Variants in SORCS3 observed in about 807,000 individuals in gnomAD.
The protein encoded by SORCS3 is sortilin related VPS10 domain containing receptor 3.
A neutral mutation model predicts 146.3 loss-of-function variants in SORCS3; 57 were observed. That is an observed-to-expected ratio of 0.39 (90% CI 0.31 to 0.49). The LOEUF is 0.49. Among genes scored for constraint, SORCS3 ranks in the 20% least tolerant of loss-of-function variants. SORCS3 has a pLI of 0.92. For missense variants in SORCS3, 1,341 were observed against 1,575.5 expected (o/e 0.85, Z 2.52); for synonymous variants, 653 against 618.5 (o/e 1.06, Z -0.83).
intron 1 of SORCS3, among the ~76,000 whole-genome samples, chr10:104,664,356 G>A (rs1427740542): frequency 1.3e-5 from 2 of 152,188 alleles, no homozygotes; most frequent in Non-Finnish European, 1.5e-5. Flanking sequence ...CATCCTTGAC[G>A]TGTAACACAT....
intron 1 of SORCS3, among the ~76,000 whole-genome samples, chr10:104,772,168 A>C (rs1261626318): frequency 1.4e-5 from 2 of 139,066 alleles, no homozygotes; most frequent in Non-Finnish European, 3.1e-5. Flanking sequence ...ATCCTCTGTC[A>C]TTGTTTCTTA....
intron 2 of SORCS3, among the ~76,000 whole-genome samples, chr10:104,891,720 G>T (rs957140812): frequency 2.6e-5 from 4 of 152,116 alleles, no homozygotes; most frequent in Non-Finnish European, 4.4e-5. Context: ...AGAATCAGAA[G>T]TACCTATGCT....
chr10:104,959,081 G>T (rs913567321), intron 3 of SORCS3, among the ~76,000 whole-genome samples: 3 of 152,098 alleles, frequency 2.0e-5, no homozygotes, highest in African/African-American at 7.2e-5. Flanking sequence ...AAACAGCCCT[G>T]CAGACACCTG....
At chr10:105,021,516 C>G (rs1857261) in intron 4 of SORCS3, among the ~76,000 whole-genome samples, 80,626 of 152,036 alleles carry the variant, frequency 0.53, 23,808 homozygotes, top group African/African-American at 0.81. Flanking sequence ...TTTCTTTGCT[C>G]TTTTAGAATT....
At chr10:105,000,699 G>A (rs1287784463) in intron 4 of SORCS3, among the ~76,000 whole-genome samples, 1 of 152,036 alleles carries the variant, frequency 6.6e-6, no homozygotes, top group Non-Finnish European at 1.5e-5. Flanking sequence ...CTAATCCAAG[G>A]CACTGATCAG....
At chr10:104,830,674 C>G (rs1185850444) in intron 1 of SORCS3, among the ~76,000 whole-genome samples, 2 of 152,154 alleles carry the variant, frequency 1.3e-5, no homozygotes, top group East Asian at 3.9e-4. Context: ...TTTGCAGAGC[C>G]CTGGTTACCT....
chr10:104,995,309 G>A (rs974146418), intron 4 of SORCS3, among the ~76,000 whole-genome samples: 5 of 151,786 alleles, frequency 3.3e-5, no homozygotes, highest in Middle Eastern at 3.4e-3. Context: ...ACAGGTGCAC[G>A]CCACCATGAC....
At chr10:104,778,486 C>T (rs1360895151) in intron 1 of SORCS3, among the ~76,000 whole-genome samples, 1 of 152,170 alleles carries the variant, frequency 6.6e-6, no homozygotes, top group Non-Finnish European at 1.5e-5. Context: ...TTCTTCCAGC[C>T]TGCATTGTCT....
intron 25 of SORCS3, among the ~76,000 whole-genome samples, chr10:105,259,995 A>G (rs1008421811): frequency 2.0e-5 from 3 of 152,176 alleles, no homozygotes; most frequent in African/African-American, 4.8e-5. Flanking sequence ...TATATTCTCA[A>G]CAGTCCTACA....
intron 2 of SORCS3, among the ~76,000 whole-genome samples, chr10:104,899,357 G>A (rs1033257770): frequency 3.9e-5 from 6 of 152,216 alleles, no homozygotes; most frequent in Non-Finnish European, 8.8e-5. Flanking sequence ...TTCTAGATGT[G>A]TTAGAATAAC....
At chr10:104,769,671 G>A (rs971716958) in intron 1 of SORCS3, among the ~76,000 whole-genome samples, 1 of 152,148 alleles carries the variant, frequency 6.6e-6, no homozygotes, top group Non-Finnish European at 1.5e-5. Flanking sequence ...GGAAGTCTGA[G>A]ACATCTGCTT....
intron 1 of SORCS3, among the ~76,000 whole-genome samples, chr10:104,725,994 G>C (rs867417314): frequency 2.0e-4 from 30 of 152,192 alleles, no homozygotes; most frequent in African/African-American, 6.0e-4. Flanking sequence ...TGTACCCACT[G>C]TCCGACACTC....
chr10:104,719,361 G>C lies in SORCS3; in HGVS notation c.627+77407G>C, dbSNP rs553269508. Among the ~76,000 whole-genome samples the C allele has an allele frequency of 2.6e-5, 4 of 152,276 alleles. No homozygotes were observed. In the South Asian group the frequency reaches 8.3e-4, roughly 32 times the overall value. ...GTGCTGCATGTGGCTTTGGTTAATG[G>C]TTGCAGGGGTATAGGTTTGTCAATG... On this transcript the variant is annotated intron_variant, in intron 1 of 26. Coordinates refer to ENST00000369701, the MANE Select transcript of SORCS3 (RefSeq NM_014978.3).
chr10:104,776,891 C>T (rs534326508), intron 1 of SORCS3, among the ~76,000 whole-genome samples: 9 of 147,356 alleles, frequency 6.1e-5, no homozygotes, highest in Admixed American at 4.7e-4. Flanking sequence ...AAAAAAAAAA[C>T]CTCACAAAGC....
At chr10:104,740,167 A>G (rs918899888) in intron 1 of SORCS3, among the ~76,000 whole-genome samples, 4 of 152,246 alleles carry the variant, frequency 2.6e-5, no homozygotes, top group Non-Finnish European at 4.4e-5. Context: ...TTTTTATTAC[A>G]TAAAACTGAA....
chr10:104,934,656 T>C (rs1352442296), intron 3 of SORCS3, among the ~76,000 whole-genome samples: 1 of 152,220 alleles, frequency 6.6e-6, no homozygotes, highest in Non-Finnish European at 1.5e-5. Context: ...TGTTTACTGG[T>C]TTACTCCTTT....
Position 105,129,340 on chromosome 10 carries a change from T to C in SORCS3, c.1213-10057T>C, listed in dbSNP as rs915612854. Reference sequence around the variant, plus strand: ...TTCTTTCTTTCTTTCTCTTTTTTTTTTTTTTTTTTTTTTTTTTACAAAACC... The same window carrying C: ...TTCTTTCTTTCTTTCTCTTTTTTTTCTTTTTTTTTTTTTTTTTACAAAACC... On this transcript the variant is annotated intron_variant, in intron 7 of 26. Coordinates refer to ENST00000369701, the MANE Select transcript of SORCS3 (RefSeq NM_014978.3). Among the ~76,000 whole-genome samples, 1,026 of 145,126 alleles carry C rather than the reference T, an allele frequency of 7.1e-3. 26 individuals carry two copies. Among genetic ancestry groups the C allele is most frequent in the Non-Finnish European group, 9.7e-3 (639 of 65,948 alleles).
At chr10:104,956,687 C>CTTT (rs1402827156) in intron 3 of SORCS3, among the ~76,000 whole-genome samples, 3 of 151,788 alleles carry the variant, frequency 2.0e-5, no homozygotes, top group African/African-American at 7.3e-5. Context: ...TTGACTGTGT[C>CTTT]TTTCTCATCT....
chr10:104,749,910 A>G (rs2016963628), intron 1 of SORCS3, among the ~76,000 whole-genome samples: 1 of 152,260 alleles, frequency 6.6e-6, no homozygotes, highest in East Asian at 1.9e-4. Context: ...ATTATATAAT[A>G]GATTCCTTGC....
Sources: allele counts gnomAD v4.1 joint callset (sites outside exome capture counted in the v4.1 genomes callset), GRCh38; gene constraint gnomAD v4.1.1; transcripts MANE v1.5; gene names NCBI Gene and HGNC (gene_info 2026-07-23, HGNC 2026-07-21).